DOC2B: variants seen among roughly 807,000 people sequenced by gnomAD.
The protein encoded by DOC2B is double C2 domain beta.
In DOC2B, 21 loss-of-function variants were observed where a neutral mutation model predicts 28.9. The ratio of observed to expected loss-of-function variants is 0.73; its 90% CI spans 0.52 to 1.05. DOC2B has a LOEUF of 1.05. DOC2B is among the 50% of genes least tolerant of loss of function. The pLI, the probability that DOC2B is intolerant of heterozygous loss-of-function variation, is 0.00. For missense variants in DOC2B, 384 were observed against 421.1 expected (o/e 0.91, Z 0.77); for synonymous variants, 194 against 178.1 (o/e 1.09, Z -0.71).
At chr17:165,989 G>T (rs1555523845) in intron 2 of DOC2B, among the ~76,000 whole-genome samples, 1 of 152,206 alleles carries the variant, frequency 6.6e-6, no homozygotes, top group African/African-American at 2.4e-5. Flanking sequence ...TCTTTCCAGT[G>T]GCTCTGGTGG....
At chr17:152,400 C>A (rs1555521892) in intron 6 of DOC2B, among the ~76,000 whole-genome samples, 1 of 152,182 alleles carries the variant, frequency 6.6e-6, no homozygotes, top group East Asian at 1.9e-4. Context: ...ATCAAACCCT[C>A]AAGAGCTGGG....
Position 172,536 on chromosome 17 carries a change from C to A in DOC2B, c.453+1G>T. 1 of 1,550,684 alleles carries A rather than the reference C, an allele frequency of 6.4e-7. No homozygotes were observed. On this transcript the variant is annotated splice_donor_variant, in intron 2 of 8. Transcript: ENST00000613549. LOFTEE classifies it high-confidence loss of function. ...TTTGGGGGCAGGCTGGCGGGGCCTA[C>A]CTTGGCCTTGGTGATGGTGCAGTGG...
Position 147,419 on chromosome 17 carries a change from G to A in DOC2B, c.*22C>T, listed in dbSNP as rs1186486874. Reference sequence around the variant, plus strand: ...CCGTGCTGGGCGCAGGTGGCGGCAGGGGTAGCAGTGGCGGGTGGGCGTCAG... The same window carrying A: ...CCGTGCTGGGCGCAGGTGGCGGCAGAGGTAGCAGTGGCGGGTGGGCGTCAG... On this transcript the variant is annotated 3_prime_UTR_variant, in exon 9 of 9. Transcript: ENST00000613549. 5.0e-6 allele frequency: 2 copies of A among 398,790 alleles called. No individual in the cohort carries two copies. Among genetic ancestry groups the A allele is most frequent in the Non-Finnish European group, 8.8e-6 (2 of 226,262 alleles). 24.7% of individuals were successfully genotyped at this position (398,790 alleles called of 1,614,324 possible).
At chr17:166,017 G>A (rs1052260861) in intron 2 of DOC2B, among the ~76,000 whole-genome samples, 4 of 152,208 alleles carry the variant, frequency 2.6e-5, no homozygotes, top group Admixed American at 6.5e-5. Context: ...TCCGTACCCC[G>A]AGACACCCGT....
chr17:172,652 C>T lies in DOC2B; in HGVS notation c.374-36G>A, dbSNP rs1181660582. On this transcript the variant is annotated intron_variant, in intron 1 of 8. Coordinates refer to ENST00000613549, the MANE Select transcript of DOC2B (RefSeq NM_003585.5). ...AGGAGGGCACAGGTCCCACCCTGGC[C>T]GCATCTTGGAGAGGCTTCGCCTGCC... The T allele has an allele frequency of 2.2e-5, 34 of 1,520,646 alleles. No homozygotes were observed. In the African/African-American group the frequency reaches 2.8e-4, roughly 12 times the overall value. 94.2% of individuals were successfully genotyped at this position (1,520,646 alleles called of 1,614,324 possible).
At position 147,581 on chromosome 17, in the gene DOC2B, C is replaced by T. The variant is rs2151456921; in HGVS notation, c.1103-4G>A. The T allele has an allele frequency of 1.0e-5, 4 of 398,722 alleles. No individual in the cohort carries two copies. The East Asian group carries it at 1.1e-4, about 11-fold the overall frequency. The allele number at this position is 398,722 out of a possible 1,614,324, so 24.7% of individuals were successfully genotyped here. A position where few individuals can be genotyped will look rare whatever the true frequency, so the allele number is the denominator to read the frequency against. Reference sequence around the variant, plus strand: ...TGGATGCCCAGAACCACACCACCTGCAGGAGGACAGGAGGGGCAGCTGGGG... The same window carrying T: ...TGGATGCCCAGAACCACACCACCTGTAGGAGGACAGGAGGGGCAGCTGGGG... On this transcript the variant is annotated splice_region_variant and splice_polypyrimidine_tract_variant and intron_variant, in intron 8 of 8. Coordinates refer to ENST00000613549, the MANE Select transcript of DOC2B (RefSeq NM_003585.5).
At chr17:164,829 C>G (rs893881361) in intron 2 of DOC2B, among the ~76,000 whole-genome samples, 1 of 152,214 alleles carries the variant, frequency 6.6e-6, no homozygotes, top group Non-Finnish European at 1.5e-5. Context: ...CCTCAGCAGG[C>G]TCTTGTCTCT....
Position 146,213 on chromosome 17 carries a change from G to C in DOC2B, c.*1228C>G, listed in dbSNP as rs1320103157. On this transcript the variant is annotated 3_prime_UTR_variant, in exon 9 of 9. Transcript: ENST00000613549. ...TACTCCCAAAAGGGACATCTGTGGC[G>C]GTAGTGGGACCAAGATGCCACGAGC... 1 of 152,370 alleles carries C rather than the reference G, an allele frequency of 6.6e-6. No homozygotes were observed. Among genetic ancestry groups the C allele is most frequent in the African/African-American group, 2.4e-5 (1 of 41,442 alleles). The allele number at this position is 152,370 out of a possible 1,614,324, so 9.4% of individuals were successfully genotyped here. A position where few individuals can be genotyped will look rare whatever the true frequency, so the allele number is the denominator to read the frequency against.
intron 1 of DOC2B, among the ~76,000 whole-genome samples, chr17:176,547 CT>C (rs937415592): frequency 1.3e-5 from 2 of 152,062 alleles, no homozygotes; most frequent in Non-Finnish European, 2.9e-5. Flanking sequence ...TTTTTGGCCA[CT>C]TTGTTTAGCT....
At chr17:160,792 A>G (rs36068254) in intron 5 of DOC2B, among the ~76,000 whole-genome samples, 101,472 of 152,006 alleles carry the variant, frequency 0.67, 35,997 homozygotes, top group East Asian at 0.86. Flanking sequence ...GAGCAGGCCG[A>G]GGGCAAATCT....
chr17:162,295 A>T (rs1555523373), intron 3 of DOC2B, 105 bp from the exon 4 acceptor site: 1 of 832,160 alleles, frequency 1.2e-6, no homozygotes, highest in African/African-American at 1.7e-5. Flanking sequence ...TGAATGTGTT[A>T]TCAACATGGC....
At chr17:156,756 A>G (rs1014505473) in intron 5 of DOC2B, among the ~76,000 whole-genome samples, 4 of 152,184 alleles carry the variant, frequency 2.6e-5, no homozygotes, top group Non-Finnish European at 4.4e-5. Context: ...CTTTTTCAAA[A>G]AAATAGAGAC....
intron 8 of DOC2B, among the ~76,000 whole-genome samples, chr17:147,781 G>A (rs1385537585): frequency 6.6e-6 from 1 of 152,214 alleles, no homozygotes; most frequent in East Asian, 1.9e-4. Flanking sequence ...ACCAGGGCAG[G>A]GATAGGGGCA....
intron 6 of DOC2B, among the ~76,000 whole-genome samples, chr17:151,029 G>A (rs2040066876): frequency 6.6e-6 from 1 of 152,174 alleles, no homozygotes; most frequent in Admixed American, 6.5e-5. Flanking sequence ...ACTTTCTGGG[G>A]TCATATTCTC....
At position 147,556 on chromosome 17, in the gene DOC2B, T is replaced by C. The variant is rs2040029237; in HGVS notation, c.1124A>G (p.His375Arg). The change falls in exon 9 of 9, where the codon CAC becomes CGC. Residue 375 changes from histidine to arginine, a missense_variant. Transcript: ENST00000613549. Reference sequence around the variant, plus strand: ...GTGCTTCAGGCGCTCCCCCTTGGCGTGGATGCCCAGAACCACACCACCTGC... The same window carrying C: ...GTGCTTCAGGCGCTCCCCCTTGGCGCGGATGCCCAGAACCACACCACCTGC... Reference protein sequence around the residue: ...DFIGGVVLGIHAKGERLKHWF... With the variant: ...DFIGGVVLGIRAKGERLKHWF... The C allele has an allele frequency of 1.8e-5, 7 of 398,688 alleles. No individual in the cohort carries two copies. Among genetic ancestry groups the C allele is most frequent in the Non-Finnish European group, 2.7e-5 (6 of 226,218 alleles). The allele number at this position is 398,688 out of a possible 1,614,324, so 24.7% of individuals were successfully genotyped here.
intron 4 of DOC2B, among the ~76,000 whole-genome samples, chr17:161,757 G>C (rs908959014): frequency 2.0e-5 from 3 of 152,220 alleles, no homozygotes; most frequent in Admixed American, 2.0e-4. Flanking sequence ...GGTTGGAAGA[G>C]GGGACAGGAG....
At chr17:153,567 G>T (rs1463564331) in intron 6 of DOC2B, among the ~76,000 whole-genome samples, 1 of 152,138 alleles carries the variant, frequency 6.6e-6, no homozygotes, top group Non-Finnish European at 1.5e-5. Context: ...CTGGCGTGGT[G>T]GCGCATGCCT....
intron 3 of DOC2B, among the ~76,000 whole-genome samples, chr17:163,234 G>A (rs929979550): frequency 2.0e-5 from 3 of 152,094 alleles, no homozygotes; most frequent in African/African-American, 7.2e-5. Context: ...ACTCGCCCTC[G>A]GCCCTCATAT....
intron 2 of DOC2B, 135 bp from the exon 3 acceptor site, chr17:164,339 A>G (rs2040238319): frequency 4.5e-6 from 3 of 661,016 alleles, no homozygotes; most frequent in Non-Finnish European, 8.1e-6. Context: ...CCCGGGCCCC[A>G]CACCTCCAGA....
Sources: allele counts gnomAD v4.1 joint callset (sites outside exome capture counted in the v4.1 genomes callset), GRCh38; gene constraint gnomAD v4.1.1; transcripts MANE v1.5; gene names NCBI Gene and HGNC (gene_info 2026-07-23, HGNC 2026-07-21).